The following RBFOX1 variants were observed in gnomAD, a reference collection of about 807,000 sequenced individuals.
RBFOX1 encodes RNA binding protein fox-1 homolog 1.
Under a neutral mutation model 57.7 loss-of-function variants are expected in RBFOX1, and 8 were observed. That is an observed-to-expected ratio of 0.14 (90% CI 0.08 to 0.25). RBFOX1 has a LOEUF of 0.25. RBFOX1 is among the 10% of genes least tolerant of loss of function. The probability of loss-of-function intolerance (pLI) is 1.00; values close to 1 mark genes in which losing one functional copy is unlikely to be tolerated. For synonymous variants in RBFOX1, 326 were observed against 222.4 expected, an observed-to-expected ratio of 1.47 and a Z score of -4.15; for missense variants, 611 against 548.5, an observed-to-expected ratio of 1.11 and a Z score of -1.14.
intron 5 of RBFOX1, among the ~76,000 whole-genome samples, chr16:7,526,479 T>C (rs1400495697): frequency 6.6e-6 from 1 of 152,140 alleles, no homozygotes; most frequent in African/African-American, 2.4e-5. Flanking sequence ...ATAACTCCCT[T>C]CCTCAGCTGT....
intron 1 of RBFOX1, among the ~76,000 whole-genome samples, chr16:6,246,501 C>T (rs1422311140): frequency 1.3e-5 from 2 of 152,244 alleles, no homozygotes; most frequent in East Asian, 1.9e-4. Context: ...TGAGCTCACC[C>T]ATCACCCAAA....
intron 3 of RBFOX1, among the ~76,000 whole-genome samples, chr16:5,760,287 C>G (rs921481606): frequency 6.6e-6 from 1 of 151,888 alleles, no homozygotes; most frequent in African/African-American, 2.4e-5. Context: ...AATTGGTAAA[C>G]AAGACAAAAT....
chr16:5,927,872 C>G (rs772321067), intron 4 of RBFOX1, among the ~76,000 whole-genome samples: 2 of 152,062 alleles, frequency 1.3e-5, no homozygotes, highest in Non-Finnish European at 2.9e-5. Context: ...TACACGATCC[C>G]ACTTGTAAAT....
chr16:6,556,203 T>C (rs2097095815), intron 2 of RBFOX1, among the ~76,000 whole-genome samples: 1 of 152,168 alleles, frequency 6.6e-6, no homozygotes, highest in Admixed American at 6.5e-5. Flanking sequence ...GCTGTAGGAA[T>C]TGGGTGTTCT....
chr16:7,598,652 T>C (rs528608081), intron 9 of RBFOX1, among the ~76,000 whole-genome samples: 1 of 152,296 alleles, frequency 6.6e-6, no homozygotes, highest in East Asian at 1.9e-4. Context: ...TGCCTATATA[T>C]GTAGTAGGTG....
At chr16:5,401,331 T>G (rs1176384122) in intron 1 of RBFOX1, among the ~76,000 whole-genome samples, 1 of 152,192 alleles carries the variant, frequency 6.6e-6, no homozygotes, top group Non-Finnish European at 1.5e-5. Flanking sequence ...TTCCTTTTCT[T>G]CTTGGTTTGT....
chr16:7,469,739 A>G (rs1483272338), intron 4 of RBFOX1, among the ~76,000 whole-genome samples: 3 of 152,150 alleles, frequency 2.0e-5, no homozygotes, highest in African/African-American at 4.8e-5. Flanking sequence ...ATTCAGTAGC[A>G]TTAAGTATAT....
chr16:7,201,629 A>G (rs544763086), intron 4 of RBFOX1, among the ~76,000 whole-genome samples: 4 of 151,936 alleles, frequency 2.6e-5, no homozygotes, highest in Non-Finnish European at 5.9e-5. Flanking sequence ...CGCCTGGCTA[A>G]TTTTTAGTAT....
chr16:7,282,183 A>G (rs902943738), intron 4 of RBFOX1, among the ~76,000 whole-genome samples: 5 of 152,130 alleles, frequency 3.3e-5, no homozygotes, highest in African/African-American at 1.2e-4. Flanking sequence ...ATGTCTGAAA[A>G]GGGAGGACAG....
intron 3 of RBFOX1, among the ~76,000 whole-genome samples, chr16:6,687,711 G>T (rs1006840162): frequency 2.0e-5 from 3 of 152,070 alleles, no homozygotes; most frequent in East Asian, 1.9e-4. Flanking sequence ...AAGTTGCAGC[G>T]GCCGGGGAGG....
intron 1 of RBFOX1, among the ~76,000 whole-genome samples, chr16:6,229,343 C>G (rs1228509133): frequency 5.3e-5 from 8 of 152,220 alleles, no homozygotes; most frequent in Non-Finnish European, 7.3e-5. Context: ...GCACGCAGTG[C>G]AGAAACTAGA....
At chr16:7,394,908 C>T (rs887632767) in intron 4 of RBFOX1, among the ~76,000 whole-genome samples, 2 of 152,194 alleles carry the variant, frequency 1.3e-5, no homozygotes, top group African/African-American at 4.8e-5. Flanking sequence ...GCCTTCATGT[C>T]TGTGCATACA....
chr16:6,326,791 C>A lies in RBFOX1; in HGVS notation c.-64+9734C>A, dbSNP rs1192530106. 2.6e-5 allele frequency among the ~76,000 whole-genome samples: 4 copies of A among 152,208 alleles called. No homozygotes were observed. In the East Asian group the frequency reaches 7.7e-4, roughly 29 times the overall value. ...TAGTGATCGGTGTCCTCCCTGACGT[C>A]CAGGCAGGAGGACACACGACTGCCT... On this transcript the variant is annotated intron_variant, in intron 2 of 15. Transcript: ENST00000550418.
chr16:7,024,591 A>G (rs2040321138), intron 3 of RBFOX1, among the ~76,000 whole-genome samples: 2 of 152,138 alleles, frequency 1.3e-5, no homozygotes, highest in South Asian at 4.1e-4. Context: ...ATATATTGCA[A>G]GCGATAACTG....
intron 3 of RBFOX1, among the ~76,000 whole-genome samples, chr16:5,612,151 C>G (rs142640501): frequency 1.3e-5 from 2 of 151,766 alleles, no homozygotes; most frequent in African/African-American, 4.8e-5. Flanking sequence ...ATCCATACGT[C>G]TACTCTCCCA....
intron 4 of RBFOX1, among the ~76,000 whole-genome samples, chr16:7,110,247 C>T (rs931379336): frequency 3.2e-4 from 48 of 151,502 alleles, no homozygotes; most frequent in African/African-American, 1.0e-3. Flanking sequence ...GTAGTCCCAG[C>T]TTCTCGGGGA....
intron 4 of RBFOX1, among the ~76,000 whole-genome samples, chr16:7,236,266 G>C (rs775012846): frequency 2.0e-5 from 3 of 152,160 alleles, no homozygotes; most frequent in African/African-American, 4.8e-5. Flanking sequence ...TATGAGGTGC[G>C]AACTAGGGTT....
intron 4 of RBFOX1, among the ~76,000 whole-genome samples, chr16:7,379,851 C>G (rs189696457): frequency 4.4e-4 from 67 of 151,716 alleles, no homozygotes; most frequent in Middle Eastern, 3.4e-3. Context: ...TTCCTCTTTT[C>G]TCTTCCTTTT....
intron 1 of RBFOX1, among the ~76,000 whole-genome samples, chr16:6,218,822 G>T (rs1425153475): frequency 2.4e-4 from 36 of 149,628 alleles, no homozygotes; most frequent in Non-Finnish European, 2.8e-4. Flanking sequence ...AAGCTTATTA[G>T]TTAAGTCCCA....
Sources: gnomAD v4.1 joint callset for allele counts (sites outside exome capture counted in the v4.1 genomes callset) on GRCh38, gnomAD v4.1.1 for gene constraint, MANE v1.5 for transcripts, NCBI Gene and HGNC (gene_info 2026-07-23, HGNC 2026-07-21) for gene names.